IQSEC3: variants seen among roughly 807,000 people sequenced by gnomAD.
The protein encoded by IQSEC3 is IQ motif and Sec7 domain ArfGEF 3, also known as IQ motif and SEC7 domain-containing protein 3.
Under a neutral mutation model 105.4 loss-of-function variants are expected in IQSEC3, and 50 were observed. The ratio of observed to expected loss-of-function variants is 0.47; its 90% CI spans 0.38 to 0.60. The LOEUF is 0.60. IQSEC3 is among the 20% of genes least tolerant of loss of function. The probability of loss-of-function intolerance (pLI) is 0.00; values close to 1 mark genes in which losing one functional copy is unlikely to be tolerated. For synonymous variants in IQSEC3, 708 were observed against 746.0 expected, an observed-to-expected ratio of 0.95 and a Z score of 0.83; for missense variants, 1,415 against 1,630.0, an observed-to-expected ratio of 0.87 and a Z score of 2.27.
chr12:104,284 A>T (rs533887554), intron 2 of IQSEC3, among the ~76,000 whole-genome samples: 2 of 152,282 alleles, frequency 1.3e-5, no homozygotes, highest in South Asian at 4.1e-4. Flanking sequence ...ACTCCTACAC[A>T]CAACGTCTTT....
intron 8 of IQSEC3, among the ~76,000 whole-genome samples, 155 bp downstream of exon 8, chr12:162,220 CTTT>C (rs11307485): frequency 6.7e-6 from 1 of 150,288 alleles, no homozygotes; most frequent in Admixed American, 6.6e-5. Context: ...CACTGCATCT[CTTT>C]TTTTTTTTCT....
chr12:136,480 C>T (rs1401905689), intron 3 of IQSEC3, among the ~76,000 whole-genome samples: 1 of 152,178 alleles, frequency 6.6e-6, no homozygotes, highest in Non-Finnish European at 1.5e-5. Context: ...ATTCTGGCTG[C>T]AGCCTTTGGG....
At chr12:108,863 A>T (rs1864773376) in intron 2 of IQSEC3, among the ~76,000 whole-genome samples, 1 of 152,184 alleles carries the variant, frequency 6.6e-6, no homozygotes, top group Non-Finnish European at 1.5e-5. Flanking sequence ...TGAAGGCACC[A>T]TCCGTCTCCC....
chr12:145,728 T>G (rs955750119), intron 5 of IQSEC3, among the ~76,000 whole-genome samples: 9 of 152,190 alleles, frequency 5.9e-5, no homozygotes, highest in Non-Finnish European at 1.3e-4. Context: ...GCTGGAAGCC[T>G]CTCCCTCTCG....
chr12:174,249 C>T (rs529852914), intron 13 of IQSEC3, among the ~76,000 whole-genome samples: 1 of 152,262 alleles, frequency 6.6e-6, no homozygotes, highest in African/African-American at 2.4e-5. Flanking sequence ...ACTATAACCC[C>T]TGCTTTCAAG....
intron 3 of IQSEC3, among the ~76,000 whole-genome samples, chr12:129,277 C>A (rs1199914236): frequency 6.6e-6 from 1 of 152,218 alleles, no homozygotes; most frequent in Admixed American, 6.5e-5. Context: ...GGAGCTGTGC[C>A]CTGGGAACTG....
At position 157,405 on chromosome 12, in the gene IQSEC3, G is replaced by C. The variant is rs1866728236; in HGVS notation, c.2277-123G>C. The C allele has an allele frequency of 4.2e-6, 5 of 1,196,820 alleles. No homozygotes were observed. The East Asian group carries it at 1.3e-4, about 31-fold the overall frequency. The allele number at this position is 1,196,820 out of a possible 1,614,324, so 74.1% of individuals were successfully genotyped here. A position where few individuals can be genotyped will look rare whatever the true frequency, so the allele number is the denominator to read the frequency against. On this transcript the variant is annotated intron_variant, in intron 6 of 13. Coordinates refer to ENST00000538872, the MANE Select transcript of IQSEC3 (RefSeq NM_001170738.2). ...AAGACCAGAGTATGGGACAGACACTGGTCTCCCTGGACCTAAAGCCTTCGG... is the reference window on the plus strand; with the variant it reads ...AAGACCAGAGTATGGGACAGACACTCGTCTCCCTGGACCTAAAGCCTTCGG...
At position 138,698 on chromosome 12, in the gene IQSEC3, G is replaced by A. The variant is rs1555087533; in HGVS notation, c.1335G>A (p.Gly445=). 1 of 1,526,616 alleles carries A rather than the reference G, an allele frequency of 6.6e-7. No homozygotes were observed. The highest frequency in any genetic ancestry group is 2.5e-5 in the East Asian group (1 of 40,622). The allele number at this position is 1,526,616 out of a possible 1,614,324, so 94.6% of individuals were successfully genotyped here. A position where few individuals can be genotyped will look rare whatever the true frequency, so the allele number is the denominator to read the frequency against. The change falls in exon 4 of 14, where the codon GGG becomes GGA. Residue 445 remains glycine (G), a synonymous_variant. Coordinates refer to ENST00000538872, the MANE Select transcript of IQSEC3 (RefSeq NM_001170738.2). The surrounding 1 kb of genome is among the most constrained non-coding windows in gnomAD (Gnocchi z 7.1). ...ACCAGGCCCTGCAGGCGGCCGCGGG[G>A]CCCCCAGGCCTGGAGGCCGAGGGGC... ...QLHQALQAAA[G]PPGLEAEGRA...
At chr12:111,974 G>C (rs1864904043) in intron 2 of IQSEC3, 1 of 152,198 alleles carries the variant, frequency 6.6e-6, no homozygotes, top group African/African-American at 2.4e-5. Context: ...TCAACAAGCA[G>C]TTTATCCCCT....
At chr12:80,021 G>A (rs1454036534) in intron 1 of IQSEC3, among the ~76,000 whole-genome samples, 2 of 152,006 alleles carry the variant, frequency 1.3e-5, no homozygotes, top group African/African-American at 4.8e-5. Context: ...TTTAATAGCC[G>A]CAAAATATTC....
intron 2 of IQSEC3, among the ~76,000 whole-genome samples, chr12:125,205 G>C (rs1416261052): frequency 6.6e-6 from 1 of 152,214 alleles, no homozygotes; most frequent in Non-Finnish European, 1.5e-5. Flanking sequence ...ACAGCTTAAA[G>C]AGTTGTAAGT....
chr12:118,550 G>A (rs1178723181), intron 2 of IQSEC3, among the ~76,000 whole-genome samples: 1 of 151,224 alleles, frequency 6.6e-6, no homozygotes, highest in Non-Finnish European at 1.5e-5. Context: ...AGGCCCTCTG[G>A]AGGAGTCTTC....
chr12:138,829 C>T lies in IQSEC3; in HGVS notation c.1466C>T (p.Thr489Met). 3 of 1,611,532 alleles carry T rather than the reference C, an allele frequency of 1.9e-6. No individual in the cohort carries two copies. The highest frequency in any genetic ancestry group is 2.2e-5 in the South Asian group (2 of 90,870). Residue 489 changes from threonine to methionine, a missense_variant, in exon 4 of 14, where the codon ACG becomes ATG. This residue lies in a region of IQSEC3 where 720 missense variants were observed against 633.0 expected (regional missense o/e 1.14). Transcript: ENST00000538872. The surrounding 1 kb of genome is among the most constrained non-coding windows in gnomAD (Gnocchi z 7.1). ...CTCATGATGGCTTTCCGGGACGTCACGGTGCAGATCGCCAACCAGAACATA... is the reference window on the plus strand; with the variant it reads ...CTCATGATGGCTTTCCGGGACGTCATGGTGCAGATCGCCAACCAGAACATA... ...GTLMMAFRDV[T>M]VQIANQNISV...
At chr12:76,311 G>A (rs147002343) in intron 1 of IQSEC3, among the ~76,000 whole-genome samples, 1,637 of 152,036 alleles carry the variant, frequency 0.011, 4 homozygotes, top group Non-Finnish European at 0.017. Context: ...CTGTGTTCAG[G>A]GAAGTGTCAA....
At chr12:147,273 C>A (rs1375539095) in intron 5 of IQSEC3, among the ~76,000 whole-genome samples, 3 of 152,154 alleles carry the variant, frequency 2.0e-5, no homozygotes, top group Admixed American at 1.3e-4. Flanking sequence ...TGTGACCAAG[C>A]AGGCCGTGAA....
chr12:95,112 G>C (rs1864204702), intron 1 of IQSEC3, among the ~76,000 whole-genome samples: 1 of 152,134 alleles, frequency 6.6e-6, no homozygotes. Context: ...AGATGTTTAG[G>C]TTTCAGACAG....
At chr12:98,814 G>C (rs868913385) in intron 1 of IQSEC3, among the ~76,000 whole-genome samples, 2 of 152,386 alleles carry the variant, frequency 1.3e-5, no homozygotes, top group African/African-American at 2.4e-5. Context: ...CGATAACAGA[G>C]CAGGACATTT....
At chr12:78,577 C>T (rs1173380763) in intron 1 of IQSEC3, among the ~76,000 whole-genome samples, 1 of 152,140 alleles carries the variant, frequency 6.6e-6, no homozygotes, top group African/African-American at 2.4e-5. Flanking sequence ...TGTTTTATCG[C>T]ATCACAGTCT....
chr12:87,540 A>T (rs1384560227), intron 1 of IQSEC3, among the ~76,000 whole-genome samples: 1 of 152,222 alleles, frequency 6.6e-6, no homozygotes, highest in South Asian at 2.1e-4. Context: ...AGATGACAGC[A>T]AGTTGGCAAG....
Sources: gnomAD v4.1 joint callset for allele counts (sites outside exome capture counted in the v4.1 genomes callset) on GRCh38, gnomAD v4.1.1 for gene constraint, gnomAD v4.1.1 regional missense constraint, Gnocchi (gnomAD v3.1) non-coding constraint, MANE v1.5 for transcripts, NCBI Gene and HGNC (gene_info 2026-07-23, HGNC 2026-07-21) for gene names.